Variants in RABGAP1L observed in about 807,000 individuals in gnomAD.
RABGAP1L encodes the protein rab GTPase-activating protein 1-like.
A neutral mutation model predicts 137.7 loss-of-function variants in RABGAP1L; 63 were observed. The ratio of observed to expected loss-of-function variants is 0.46; its 90% CI spans 0.37 to 0.56. The LOEUF is 0.56. Among genes scored for constraint, RABGAP1L ranks in the 20% least tolerant of loss-of-function variants. The pLI is 0.00. For synonymous variants in RABGAP1L, 431 were observed against 433.7 expected (o/e 0.99, Z 0.08); for missense variants, 1,095 against 1,244.0 (o/e 0.88, Z 1.80).
At chr1:174,400,646 G>A (rs1648459478) in intron 13 of RABGAP1L, among the ~76,000 whole-genome samples, 1 of 152,112 alleles carries the variant, frequency 6.6e-6, no homozygotes, top group Non-Finnish European at 1.5e-5. Context: ...TTGTTGGGGA[G>A]AGCTATAAGC....
chr1:174,525,135 T>G (rs920765534), intron 13 of RABGAP1L, among the ~76,000 whole-genome samples: 1 of 152,160 alleles, frequency 6.6e-6, no homozygotes, highest in Non-Finnish European at 1.5e-5. Context: ...GGCTCTTTTT[T>G]GGTTCCATAA....
At chr1:174,940,254 G>T (rs1308272579) in intron 19 of RABGAP1L, among the ~76,000 whole-genome samples, 1 of 146,606 alleles carries the variant, frequency 6.8e-6, no homozygotes, top group Non-Finnish European at 1.5e-5. Flanking sequence ...CCTTTTGTTT[G>T]TTTGTTTGTT....
chr1:174,745,349 C>T (rs1300138324), intron 17 of RABGAP1L, among the ~76,000 whole-genome samples: 1 of 152,238 alleles, frequency 6.6e-6, no homozygotes, highest in Non-Finnish European at 1.5e-5. Flanking sequence ...CATGGCATCA[C>T]TTCCACCATA....
In RABGAP1L at chr1:174,808,713, G is replaced by A. The variant is rs186870158; in HGVS notation, c.2212-3119G>A. On this transcript the variant is annotated intron_variant, in intron 18 of 25. Coordinates refer to ENST00000681986, the MANE Select transcript of RABGAP1L (RefSeq NM_001366446.1). The stretch of plus-strand genomic sequence containing the variant: ...TTGTTGCCCAGGCTGGAGTGCAATG[G>A]TGCAGTCTCGGCTCTCTGCAACCTC... Among the ~76,000 whole-genome samples the A allele has an allele frequency of 3.3e-5, 5 of 151,624 alleles. No individual in the cohort carries two copies. In the East Asian group the frequency reaches 9.7e-4, roughly 29 times the overall value.
Position 174,618,013 on chromosome 1 carries a change from A to G in RABGAP1L, c.1711-19362A>G, listed in dbSNP as rs572598926. On this transcript the variant is annotated intron_variant, in intron 13 of 25. Transcript: ENST00000681986. ...AGATTATAGCCCGCGCCTGGCTTGG[A>G]GGGTCCTATGCCCACGGAGCCTCAC... Among the ~76,000 whole-genome samples the G allele has an allele frequency of 4.6e-4, 70 of 152,292 alleles. 1 individual carries two copies. The highest frequency in any genetic ancestry group is 1.6e-3 in the African/African-American group (65 of 41,564).
intron 14 of RABGAP1L, among the ~76,000 whole-genome samples, chr1:174,666,874 CAA>C (rs1267507692): frequency 6.7e-6 from 1 of 150,360 alleles, no homozygotes; most frequent in Non-Finnish European, 1.5e-5. Flanking sequence ...TAAGGTAGGT[CAA>C]GAGCAGTAGT....
At chr1:174,256,702 AC>A (rs1456306522) in intron 7 of RABGAP1L, among the ~76,000 whole-genome samples, 1 of 152,084 alleles carries the variant, frequency 6.6e-6, no homozygotes, top group Non-Finnish European at 1.5e-5. Context: ...AATCCCTTGA[AC>A]CCGGGAAGTG....
At chr1:174,370,082 A>G (rs1218217363) in intron 11 of RABGAP1L, among the ~76,000 whole-genome samples, 1 of 152,188 alleles carries the variant, frequency 6.6e-6, no homozygotes, top group East Asian at 1.9e-4. Flanking sequence ...CTTAACACAG[A>G]TCCCCGTGGG....
At chr1:174,431,223 G>C (rs981406658) in intron 13 of RABGAP1L, among the ~76,000 whole-genome samples, 17 of 152,004 alleles carry the variant, frequency 1.1e-4, no homozygotes, top group Non-Finnish European at 2.9e-5. Flanking sequence ...TGTTTTTACT[G>C]TACAAAAGTT....
intron 13 of RABGAP1L, among the ~76,000 whole-genome samples, chr1:174,617,726 A>T (rs894935938): frequency 6.6e-6 from 1 of 152,192 alleles, no homozygotes; most frequent in African/African-American, 2.4e-5. Flanking sequence ...TAAAACATAT[A>T]CATTACCAGG....
chr1:174,948,289 G>A (rs1667184494), intron 19 of RABGAP1L, among the ~76,000 whole-genome samples: 1 of 152,072 alleles, frequency 6.6e-6, no homozygotes, highest in Non-Finnish European at 1.5e-5. Flanking sequence ...GGGAGGCTGA[G>A]GAGGTCAGAT....
At chr1:174,289,283 T>C (rs570051015) in intron 10 of RABGAP1L, among the ~76,000 whole-genome samples, 11 of 152,298 alleles carry the variant, frequency 7.2e-5, no homozygotes, top group African/African-American at 2.6e-4. Flanking sequence ...TCTCAAGAGA[T>C]CTTCTCGCCT....
intron 13 of RABGAP1L, among the ~76,000 whole-genome samples, chr1:174,478,245 T>C (rs1658714598): frequency 6.7e-6 from 1 of 149,938 alleles, no homozygotes; most frequent in Non-Finnish European, 1.5e-5. Context: ...TTCCTGTTTT[T>C]GTTGTTGTTG....
chr1:174,621,143 C>A lies in RABGAP1L; in HGVS notation c.1711-16232C>A, dbSNP rs538879523. ...ATAAAATACCTAGGAATCCAACTTA[C>A]AAGGGACATGAAGGACCTCTTCAAG... On this transcript the variant is annotated intron_variant, in intron 13 of 25. Coordinates refer to ENST00000681986, the MANE Select transcript of RABGAP1L (RefSeq NM_001366446.1). Among the ~76,000 whole-genome samples, 395 of 152,208 alleles carry A rather than the reference C, an allele frequency of 2.6e-3. 1 individual carries two copies. The highest frequency in any genetic ancestry group is 7.8e-3 in the African/African-American group (326 of 41,534).
intron 18 of RABGAP1L, among the ~76,000 whole-genome samples, chr1:174,800,740 G>A (rs1406668451): frequency 2.6e-5 from 4 of 152,092 alleles, no homozygotes; most frequent in South Asian, 2.1e-4. Context: ...CACATTAGTG[G>A]CATTATCTCT....
At chr1:174,420,864 A>T (rs1207100651) in intron 13 of RABGAP1L, among the ~76,000 whole-genome samples, 1 of 151,870 alleles carries the variant, frequency 6.6e-6, no homozygotes, top group South Asian at 2.1e-4. Flanking sequence ...TTTAGTAGAG[A>T]TGGGGTTTCA....
intron 19 of RABGAP1L, among the ~76,000 whole-genome samples, chr1:174,919,624 T>G (rs1199996089): frequency 6.6e-6 from 1 of 152,078 alleles, no homozygotes; most frequent in Non-Finnish European, 1.5e-5. Context: ...GAGGCCAAGG[T>G]GGGAGGATTG....
rs571625129 is a variant in RABGAP1L at position 174,384,617 on chromosome 1, T to C, written c.1560-9378T>C. On this transcript the variant is annotated intron_variant, in intron 12 of 25. Coordinates refer to ENST00000681986, the MANE Select transcript of RABGAP1L (RefSeq NM_001366446.1). ...TCAGAACAGTGCCTTCATTATACCT[T>C]GCATATCCATTTTTCTCTCTTTATT... is the stretch of plus-strand genomic sequence containing the variant. Among the ~76,000 whole-genome samples the C allele has an allele frequency of 5.3e-5, 8 of 152,316 alleles. No homozygotes were observed. The East Asian group carries it at 1.5e-3, about 29-fold the overall frequency.
chr1:174,631,248 G>A (rs1398769705), intron 13 of RABGAP1L, among the ~76,000 whole-genome samples: 2 of 95,300 alleles, frequency 2.1e-5, no homozygotes, highest in Non-Finnish European at 4.0e-5. Flanking sequence ...TTGCACTGTG[G>A]TCTGAGAGAT....
Sources: gnomAD v4.1 joint callset for allele counts (sites outside exome capture counted in the v4.1 genomes callset) on GRCh38, gnomAD v4.1.1 for gene constraint, MANE v1.5 for transcripts, NCBI Gene and HGNC (gene_info 2026-07-23, HGNC 2026-07-21) for gene names.